The following TEX9 variants were observed in gnomAD, a reference collection of about 807,000 sequenced individuals.
TEX9 encodes the protein testis expressed 9.
Under a neutral mutation model 59.6 loss-of-function variants are expected in TEX9, and 74 were observed. That is an observed-to-expected ratio of 1.24 (90% CI 1.03 to 1.51). TEX9 has a LOEUF of 1.51. TEX9 is among the 40% of genes most tolerant of loss of function. The pLI is 0.00. For synonymous variants in TEX9, 186 were observed against 152.2 expected (o/e 1.22, Z -1.64); for missense variants, 522 against 447.8 (o/e 1.17, Z -1.49).
chr15:56,252,047 G>A (rs556144343), intron 1 of TEX9, among the ~76,000 whole-genome samples: 204 of 152,156 alleles, frequency 1.3e-3, no homozygotes, highest in Non-Finnish European at 1.6e-3. Flanking sequence ...GGTGTGAAGG[G>A]CTCACTCTTT....
At chr15:56,274,945 G>A (rs1488817469) in intron 1 of TEX9, among the ~76,000 whole-genome samples, 1 of 152,094 alleles carries the variant, frequency 6.6e-6, no homozygotes, top group African/African-American at 2.4e-5. Flanking sequence ...CCTTCCCTGT[G>A]TTCCTGAGTT....
chr15:56,412,366 G>A, exon 10 of TEX9: 8 of 1,613,486 alleles, frequency 5.0e-6, no homozygotes, highest in East Asian at 2.2e-5. Flanking sequence ...ACAGAGGTTC[G>A]CTTGAATAGA....
chr15:56,333,344 T>C (rs1361329120), intron 1 of TEX9, among the ~76,000 whole-genome samples: 1 of 152,142 alleles, frequency 6.6e-6, no homozygotes, highest in East Asian at 1.9e-4. Flanking sequence ...ATCCCAGTGA[T>C]GGAGGGATGG....
At chr15:56,420,478 T>A (rs906524691) in intron 10 of TEX9, among the ~76,000 whole-genome samples, 8 of 151,700 alleles carry the variant, frequency 5.3e-5, no homozygotes, top group Non-Finnish European at 1.2e-4. Flanking sequence ...CGGCTAATTT[T>A]TGTATTTTTA....
intron 1 of TEX9, among the ~76,000 whole-genome samples, chr15:56,353,082 G>A (rs1291197918): frequency 6.6e-6 from 1 of 152,132 alleles, no homozygotes; most frequent in Non-Finnish European, 1.5e-5. Context: ...GCCCCTTTCT[G>A]CACAAATAGA....
At chr15:56,430,056 A>G (rs781060404) in intron 12 of TEX9, 5 of 152,220 alleles carry the variant, frequency 3.3e-5, no homozygotes, top group Non-Finnish European at 5.9e-5. Context: ...AATTACCTAT[A>G]TATCTTTTTC....
chr15:56,282,837 A>T (rs961516158), intron 1 of TEX9, among the ~76,000 whole-genome samples: 1 of 152,142 alleles, frequency 6.6e-6, no homozygotes, highest in Non-Finnish European at 1.5e-5. Context: ...AATTTGTATA[A>T]GAGTTGATAC....
At chr15:56,387,529 C>G (rs2048015347) in intron 4 of TEX9, among the ~76,000 whole-genome samples, 1 of 151,722 alleles carries the variant, frequency 6.6e-6, no homozygotes, top group Admixed American at 6.6e-5. Flanking sequence ...AAAATTTATG[C>G]ATGGCTAGCT....
chr15:56,247,048 G>A (rs2043875526), intron 1 of TEX9, among the ~76,000 whole-genome samples: 1 of 152,138 alleles, frequency 6.6e-6, no homozygotes, highest in South Asian at 2.1e-4. Flanking sequence ...CATAATTCCT[G>A]ACTCCTGACT....
At chr15:56,348,569 T>A (rs745903203) in intron 1 of TEX9, among the ~76,000 whole-genome samples, 5 of 152,174 alleles carry the variant, frequency 3.3e-5, no homozygotes, top group Non-Finnish European at 5.9e-5. Flanking sequence ...TTCCATTGTC[T>A]GCTCACTTCT....
At chr15:56,341,909 A>G (rs1332358994) in intron 1 of TEX9, among the ~76,000 whole-genome samples, 2 of 152,162 alleles carry the variant, frequency 1.3e-5, no homozygotes, top group Non-Finnish European at 2.9e-5. Flanking sequence ...TGGAAAAGAT[A>G]GTTCTTTGTT....
chr15:56,407,630 T>C (rs1245530736), intron 9 of TEX9, among the ~76,000 whole-genome samples: 1 of 152,164 alleles, frequency 6.6e-6, no homozygotes, highest in Non-Finnish European at 1.5e-5. Flanking sequence ...TTAAATGTAT[T>C]TACAAATCTC....
chr15:56,252,367 T>TA (rs2044041986), intron 1 of TEX9, among the ~76,000 whole-genome samples: 1 of 137,546 alleles, frequency 7.3e-6, no homozygotes, highest in African/African-American at 2.7e-5. Flanking sequence ...TGAATTGAGC[T>TA]ATTAGAAAAA....
At chr15:56,283,051 TG>T (rs1347279355) in intron 1 of TEX9, among the ~76,000 whole-genome samples, 3 of 60,548 alleles carry the variant, frequency 5.0e-5, no homozygotes, top group African/African-American at 1.3e-4. Flanking sequence ...CATTGTGTGG[TG>T]TGTGTGTGTG....
intron 1 of TEX9, among the ~76,000 whole-genome samples, chr15:56,321,531 T>C (rs2045903237): frequency 6.6e-6 from 1 of 152,130 alleles, no homozygotes; most frequent in Non-Finnish European, 1.5e-5. Context: ...TTAAGGCCAT[T>C]ATATGAAAAG....
At chr15:56,339,403 A>AAAAAAAAAAC (rs2046328616) in intron 1 of TEX9, among the ~76,000 whole-genome samples, 1 of 145,102 alleles carries the variant, frequency 6.9e-6, no homozygotes, top group Non-Finnish European at 1.5e-5. Context: ...AAAAAAAAAA[A>AAAAAAAAAAC]AAAAAAAAAA....
At chr15:56,325,878 G>A (rs1044144877) in intron 1 of TEX9, among the ~76,000 whole-genome samples, 14 of 152,146 alleles carry the variant, frequency 9.2e-5, no homozygotes, top group Admixed American at 7.2e-4. Context: ...CCACCTCTAC[G>A]TTTTGTGACT....
At chr15:56,421,909 T>C (rs1168706835) in intron 10 of TEX9, 1 of 151,518 alleles carries the variant, frequency 6.6e-6, no homozygotes, top group Non-Finnish European at 1.5e-5. Context: ...CTATTGTGAG[T>C]AGAGCCGCAA....
At chr15:56,341,825 A>T (rs12442602) in intron 1 of TEX9, among the ~76,000 whole-genome samples, 6,691 of 152,242 alleles carry the variant, frequency 0.044, 224 homozygotes, top group Admixed American at 0.086. Context: ...ACTTTAATAG[A>T]TTTTTAATGT....
Sources: allele counts gnomAD v4.1 joint callset (sites outside exome capture counted in the v4.1 genomes callset), GRCh38; gene constraint gnomAD v4.1.1; transcripts MANE v1.5; gene names NCBI Gene and HGNC (gene_info 2026-07-23, HGNC 2026-07-21).